Variants in IWS1 observed in about 807,000 individuals in gnomAD.
The protein encoded by IWS1 is interacts with SUPT6H, CTD assembly factor 1, also known as protein IWS1 homolog.
IWS1 carries 27 observed loss-of-function variants against 86.7 expected under a neutral mutation model. The ratio of observed to expected loss-of-function variants is 0.31; its 90% CI spans 0.23 to 0.43. The LOEUF is 0.43. IWS1 is among the 20% of genes least tolerant of loss of function. The pLI, the probability that IWS1 is intolerant of heterozygous loss-of-function variation, is 1.00. For synonymous variants in IWS1, 313 were observed against 335.1 expected, an observed-to-expected ratio of 0.93 and a Z score of 0.72; for missense variants, 827 against 1,000.8, an observed-to-expected ratio of 0.83 and a Z score of 2.34.
chr2:127,512,282 T>C (rs571054715), intron 2 of IWS1, among the ~76,000 whole-genome samples: 39 of 152,332 alleles, frequency 2.6e-4, no homozygotes, highest in African/African-American at 7.9e-4. Flanking sequence ...AAAGAATATA[T>C]GGTAAAAATA....
At chr2:127,501,413 G>A (rs761514932) in intron 5 of IWS1, among the ~76,000 whole-genome samples, 3 of 152,088 alleles carry the variant, frequency 2.0e-5, no homozygotes, top group Non-Finnish European at 4.4e-5. Flanking sequence ...GTAGTTAGGT[G>A]TAGATTTCTT....
At chr2:127,491,665 G>C (rs554019719) in intron 10 of IWS1, among the ~76,000 whole-genome samples, 1 of 151,988 alleles carries the variant, frequency 6.6e-6, no homozygotes, top group Non-Finnish European at 1.5e-5. Flanking sequence ...GGATGGTCTC[G>C]ATCTCCTGAC....
chr2:127,526,395 G>C lies in IWS1; in HGVS notation c.-187C>G, dbSNP rs1223882764. On this transcript the variant is annotated 5_prime_UTR_variant, in exon 1 of 14. Transcript: ENST00000295321. ...CGAATTCTTTGACCTGGAAGCCCCG[G>C]CGGAAAAGGCCGTACCCGGCAGGCT... 9.8e-6 allele frequency: 15 copies of C among 1,536,026 alleles called. No individual in the cohort carries two copies. The highest frequency in any genetic ancestry group is 1.2e-5 in the Non-Finnish European group (14 of 1,146,026).
upstream of IWS1, chr2:127,526,566 T>C: frequency 7.1e-7 from 1 of 1,410,212 alleles, no homozygotes; most frequent in Non-Finnish European, 9.5e-7. Flanking sequence ...GCAACAGCAA[T>C]GACGCCAGGC....
chr2:127,506,855 C>T (rs334162), intron 2 of IWS1: 28,545 of 160,486 alleles, frequency 0.18, 5,306 homozygotes, highest in African/African-American at 0.47. Context: ...ATAGCTATGG[C>T]TTTAAAATGC....
chr2:127,495,946 A>T, intron 7 of IWS1, 52 bp downstream of exon 7: 1 of 1,504,322 alleles, frequency 6.6e-7, no homozygotes, highest in Non-Finnish European at 8.9e-7. Context: ...AAGGGCATCC[A>T]ATAAACTCAG....
rs756725384 is a variant in IWS1, at chr2:127,489,834, G to A, written c.2157C>T (p.Asn719=). ...TACTCATACCTGTTCCCTCATACCTGTTCATTCTTCGTCGTTGAGGCATCT... is the reference window on the plus strand; with the variant it reads ...TACTCATACCTGTTCCCTCATACCTATTCATTCTTCGTCGTTGAGGCATCT... The part of the protein sequence containing the change: ...LEQMPQRRRM[N]STGGQTPRRD... The change falls in exon 11 of 14, where the codon AAC becomes AAT. Residue 719 remains asparagine (N), a splice_region_variant and synonymous_variant. Transcript: ENST00000295321. The surrounding 1 kb of genome is among the most constrained non-coding windows in gnomAD (Gnocchi z 4.8). The A allele has an allele frequency of 1.3e-6, 2 of 1,554,692 alleles. No individual in the cohort carries two copies. Among genetic ancestry groups the A allele is most frequent in the Non-Finnish European group, 1.8e-6 (2 of 1,125,822 alleles).
chr2:127,505,840 T>G lies in IWS1; in HGVS notation c.151-88A>C. The G allele has an allele frequency of 1.1e-6, 1 of 908,972 alleles. No homozygotes were observed. Among genetic ancestry groups the G allele is most frequent in the Non-Finnish European group, 1.6e-6 (1 of 620,726 alleles). The allele number at this position is 908,972 out of a possible 1,614,324, so 56.3% of individuals were successfully genotyped here. ...ACATTAAATTTTTTCTGTGATTTTTTTAAAATACAGGATTATGTGCACCTA... is the reference window on the plus strand; with the variant it reads ...ACATTAAATTTTTTCTGTGATTTTTGTAAAATACAGGATTATGTGCACCTA... On this transcript the variant is annotated intron_variant, in intron 2 of 13. Transcript: ENST00000295321. This position sits in a 1 kb window ranked among gnomAD's most constrained non-coding sequence, Gnocchi z 5.0.
At position 127,489,499 on chromosome 2, in the gene IWS1, T is replaced by C. The variant is rs967696953; in HGVS notation, c.2160-264A>G. On this transcript the variant is annotated intron_variant, in intron 11 of 13. Coordinates refer to ENST00000295321, the MANE Select transcript of IWS1 (RefSeq NM_017969.3). This position sits in a 1 kb window ranked among gnomAD's most constrained non-coding sequence, Gnocchi z 4.8. ...ATGCAACTGTATCCACTATTATCAA[T>C]ACAAACTAAAACTATAACATTTTTT... The C allele has an allele frequency of 1.9e-6, 1 of 513,248 alleles. No homozygotes were observed. The highest frequency in any genetic ancestry group is 3.6e-5 in the Admixed American group (1 of 27,530). 31.8% of individuals were successfully genotyped at this position (513,248 alleles called of 1,614,324 possible). A position where few individuals can be genotyped will look rare whatever the true frequency, so the allele number is the denominator to read the frequency against.
In IWS1 at chr2:127,505,529, G is replaced by A. The variant is rs1327119335; in HGVS notation, c.374C>T (p.Thr125Ile). The change falls in exon 3 of 14, where the codon ACC (threonine) becomes ATC (isoleucine). Residue 125 changes from threonine (T) to isoleucine (I), a missense_variant. Physicochemically the swap from Thr to Ile is moderately conservative, Grantham distance 89 (BLOSUM62 -1). Coordinates refer to ENST00000295321, the MANE Select transcript of IWS1 (RefSeq NM_017969.3). This position sits in a 1 kb window ranked among gnomAD's most constrained non-coding sequence, Gnocchi z 5.0. ...AGAGTCACTACCAGGTAATTTCCTGGTCTCTTCACTCTCAGAGTCGCTCCC... is the reference window on the plus strand; with the variant it reads ...AGAGTCACTACCAGGTAATTTCCTGATCTCTTCACTCTCAGAGTCGCTCCC... Reference protein sequence around the residue: ...QHGSDSESEETRKLPGSDSEN... With the variant: ...QHGSDSESEEIRKLPGSDSEN... 6.2e-7 allele frequency: 1 copy of A among 1,613,924 alleles called. No homozygotes were observed. Among genetic ancestry groups the A allele is most frequent in the South Asian group, 1.1e-5 (1 of 91,070 alleles).
At chr2:127,498,054 C>T (rs1047418478) in intron 6 of IWS1, 86 bp downstream of exon 6, 2 of 1,072,250 alleles carry the variant, frequency 1.9e-6, no homozygotes, top group Non-Finnish European at 2.8e-6. Context: ...TAATCAGGAA[C>T]CAAAATGAAA....
chr2:127,492,448 A>G (rs922065172), intron 9 of IWS1, among the ~76,000 whole-genome samples: 2 of 152,028 alleles, frequency 1.3e-5, no homozygotes, highest in Non-Finnish European at 2.9e-5. Context: ...CGGGAGGCTG[A>G]GGCAGGAGAA....
In IWS1 at chr2:127,480,848, A is replaced by G; in HGVS notation, c.*196T>C. ...AATTTTATTGTGTAAAGTTTATAGA[A>G]GTATGACTAGTATTCCTTTGTACAA... is the stretch of plus-strand genomic sequence containing the variant. On this transcript the variant is annotated 3_prime_UTR_variant, in exon 14 of 14. Coordinates refer to ENST00000295321, the MANE Select transcript of IWS1 (RefSeq NM_017969.3). The G allele has an allele frequency of 2.1e-6, 1 of 486,234 alleles. No individual in the cohort carries two copies. The highest frequency in any genetic ancestry group is 3.5e-6 in the Non-Finnish European group (1 of 287,822). 30.1% of individuals were successfully genotyped at this position (486,234 alleles called of 1,614,324 possible).
At chr2:127,507,492 C>T (rs1691207693) in intron 2 of IWS1, among the ~76,000 whole-genome samples, 1 of 152,174 alleles carries the variant, frequency 6.6e-6, no homozygotes, top group African/African-American at 2.4e-5. Context: ...GATTCCTTGT[C>T]AGTCACAAGC....
rs375178274 is a variant in IWS1, at chr2:127,481,199, G to C, written c.2329-24C>G. ...AACTAAGAGTAAGGGAAAAATTAAA[G>C]AGCAAACTACTGAAATACGTAAGTC... is the stretch of plus-strand genomic sequence containing the variant. On this transcript the variant is annotated intron_variant, in intron 13 of 13. Coordinates refer to ENST00000295321, the MANE Select transcript of IWS1 (RefSeq NM_017969.3). 6.1e-5 allele frequency: 97 copies of C among 1,580,946 alleles called. No individual in the cohort carries two copies. In the African/African-American group the frequency reaches 1.3e-3, roughly 21 times the overall value.
intron 2 of IWS1, among the ~76,000 whole-genome samples, chr2:127,513,602 T>A (rs1691593078): frequency 6.6e-6 from 1 of 152,226 alleles, no homozygotes; most frequent in Non-Finnish European, 1.5e-5. Flanking sequence ...TTTATTCACA[T>A]GAAAGGGTTC....
In IWS1 at chr2:127,500,965, C is replaced by T. The variant is rs116093606; in HGVS notation, c.1467+1850G>A. 9.5e-3 allele frequency among the ~76,000 whole-genome samples: 1,445 copies of T among 152,272 alleles called. 16 individuals are homozygous for T. The highest frequency in any genetic ancestry group is 0.033 in the African/African-American group (1,371 of 41,548). ...GTACATTCATACACATTTGCAAAGGCCTATGAGCACTTCAATTCCACGTAT... is the reference window on the plus strand; with the variant it reads ...GTACATTCATACACATTTGCAAAGGTCTATGAGCACTTCAATTCCACGTAT... On this transcript the variant is annotated intron_variant, in intron 5 of 13. Transcript: ENST00000295321.
At chr2:127,510,853 A>C (rs1444871994) in intron 2 of IWS1, among the ~76,000 whole-genome samples, 1 of 152,130 alleles carries the variant, frequency 6.6e-6, no homozygotes, top group Non-Finnish European at 1.5e-5. Flanking sequence ...GCAGTTCCCA[A>C]ACTTCAGTAT....
At chr2:127,526,766 T>C (rs1295210202), upstream of IWS1, 2 of 1,053,772 alleles carry the variant, frequency 1.9e-6, no homozygotes, top group East Asian at 1.2e-4. Context: ...AATGAAGACC[T>C]GCTCAAATGA....
Sources: allele counts gnomAD v4.1 joint callset (sites outside exome capture counted in the v4.1 genomes callset), GRCh38; gene constraint gnomAD v4.1.1; non-coding constraint Gnocchi (gnomAD v3.1); transcripts MANE v1.5; gene names NCBI Gene and HGNC (gene_info 2026-07-23, HGNC 2026-07-21).